UBE2R2: variants seen among roughly 807,000 people sequenced by gnomAD.
The protein encoded by UBE2R2 is ubiquitin conjugating enzyme E2 R2.
Under a neutral mutation model 27.8 loss-of-function variants are expected in UBE2R2, and 1 was observed. That is an observed-to-expected ratio of 0.04 (90% CI 0.01 to 0.17). The LOEUF (loss-of-function observed/expected upper bound fraction) is 0.17, where lower values mean the gene tolerates loss of function less well. Among genes scored for constraint, UBE2R2 ranks in the 10% least tolerant of loss-of-function variants. The probability of loss-of-function intolerance (pLI) is 1.00; values close to 1 mark genes in which losing one functional copy is unlikely to be tolerated. For synonymous variants in UBE2R2, 106 were observed against 113.3 expected (o/e 0.94, Z 0.41); for missense variants, 100 against 291.0 (o/e 0.34, Z 4.78).
At chr9:33,910,699 G>A (rs1020103876) in intron 3 of UBE2R2, among the ~76,000 whole-genome samples, 1 of 152,190 alleles carries the variant, frequency 6.6e-6, no homozygotes, top group African/African-American at 2.4e-5. Context: ...TCTGTTTGAA[G>A]GATTTTGCTT....
At chr9:33,890,299 T>G (rs1174386745) in intron 2 of UBE2R2, among the ~76,000 whole-genome samples, 1 of 152,190 alleles carries the variant, frequency 6.6e-6, no homozygotes, top group Non-Finnish European at 1.5e-5. Context: ...TTTAAAGAAG[T>G]GATAGGCCGG....
intron 1 of UBE2R2, among the ~76,000 whole-genome samples, chr9:33,832,075 G>A (rs1235941753): frequency 1.1e-4 from 16 of 151,572 alleles, no homozygotes; most frequent in Admixed American, 9.2e-4. Flanking sequence ...TTGGGAGGCC[G>A]AGGTGGGCGG....
At chr9:33,861,632 T>C (rs1821238477) in intron 1 of UBE2R2, among the ~76,000 whole-genome samples, 2 of 151,836 alleles carry the variant, frequency 1.3e-5, no homozygotes, top group South Asian at 4.1e-4. Context: ...ATTAATTAGA[T>C]AATGGGAAAC....
chr9:33,839,328 C>G (rs2130737303), intron 1 of UBE2R2, among the ~76,000 whole-genome samples: 1 of 152,262 alleles, frequency 6.6e-6, no homozygotes, highest in South Asian at 2.1e-4. Flanking sequence ...CCCTCTGCCT[C>G]CCAGGTTCGA....
upstream of UBE2R2, among the ~76,000 whole-genome samples, chr9:33,817,119 G>C (rs1825793381): frequency 6.6e-6 from 1 of 151,822 alleles, no homozygotes; most frequent in Admixed American, 6.6e-5. Context: ...AGCACCCGGC[G>C]TGCGCCCCTC....
At chr9:33,859,795 T>TGAGAGAGAGA (rs1056972987) in intron 1 of UBE2R2, among the ~76,000 whole-genome samples, 4 of 82,148 alleles carry the variant, frequency 4.9e-5, no homozygotes, top group African/African-American at 1.9e-4. Context: ...TGTGTGTGTG[T>TGAGAGAGAGA]GTGTGAGAGA....
chr9:33,858,419 A>AT (rs984610348), intron 1 of UBE2R2, among the ~76,000 whole-genome samples: 27 of 150,738 alleles, frequency 1.8e-4, no homozygotes, highest in South Asian at 6.3e-4. Flanking sequence ...ATAGATGTTA[A>AT]TTTTTTTTTT....
chr9:33,876,071 T>G (rs10971758), intron 1 of UBE2R2, among the ~76,000 whole-genome samples: 11,998 of 152,202 alleles, frequency 0.079, 682 homozygotes, highest in Non-Finnish European at 0.12. Flanking sequence ...TGTTTAAATT[T>G]TTAATAAGGG....
At chr9:33,904,028 G>A (rs773756506) in intron 3 of UBE2R2, among the ~76,000 whole-genome samples, 20 of 152,128 alleles carry the variant, frequency 1.3e-4, no homozygotes, top group Non-Finnish European at 1.8e-4. Context: ...GGGATGTTTT[G>A]TACACTTTTT....
chr9:33,911,390 G>T (rs1200388314), intron 3 of UBE2R2, among the ~76,000 whole-genome samples: 2 of 63,690 alleles, frequency 3.1e-5, no homozygotes, highest in South Asian at 5.9e-4. Flanking sequence ...GAACAAGAGT[G>T]AAACTCCATC....
intron 1 of UBE2R2, among the ~76,000 whole-genome samples, chr9:33,841,260 A>AC (rs1820727283): frequency 6.6e-6 from 1 of 152,012 alleles, no homozygotes. Context: ...TTGGATTATT[A>AC]GTAGAGACGG....
intron 1 of UBE2R2, among the ~76,000 whole-genome samples, chr9:33,867,235 C>A (rs568084231): frequency 6.6e-6 from 1 of 151,988 alleles, no homozygotes; most frequent in Non-Finnish European, 1.5e-5. Flanking sequence ...GCTTCTTTGT[C>A]ATATATGTTG....
intron 2 of UBE2R2, 47 bp downstream of exon 2, chr9:33,887,014 A>T: frequency 6.8e-7 from 1 of 1,477,316 alleles, no homozygotes; most frequent in Non-Finnish European, 9.3e-7. Flanking sequence ...TTTTTTTTTA[A>T]ATCAGTACTT....
chr9:33,848,009 A>G (rs1820883991), intron 1 of UBE2R2, among the ~76,000 whole-genome samples: 1 of 151,098 alleles, frequency 6.6e-6, no homozygotes, highest in African/African-American at 2.4e-5. Context: ...CCCGCCTCTG[A>G]CTCCCAAAGT....
At chr9:33,862,639 A>AT (rs1470858303) in intron 1 of UBE2R2, among the ~76,000 whole-genome samples, 1 of 152,158 alleles carries the variant, frequency 6.6e-6, no homozygotes, top group Non-Finnish European at 1.5e-5. Flanking sequence ...TCCTCAAAAA[A>AT]TCTATGAATA....
chr9:33,845,010 C>G (rs893897120), intron 1 of UBE2R2, among the ~76,000 whole-genome samples: 12 of 151,846 alleles, frequency 7.9e-5, no homozygotes, highest in Non-Finnish European at 1.6e-4. Flanking sequence ...CTCAAATGAT[C>G]CGCCTGCCTC....
At chr9:33,863,220 G>T (rs1477637985) in intron 1 of UBE2R2, among the ~76,000 whole-genome samples, 1 of 149,592 alleles carries the variant, frequency 6.7e-6, no homozygotes, top group Non-Finnish European at 1.5e-5. Flanking sequence ...AGAAAAGAAA[G>T]AAAGTACATG....
chr9:33,885,471 CAT>C (rs1390475999), intron 1 of UBE2R2, among the ~76,000 whole-genome samples: 1 of 152,236 alleles, frequency 6.6e-6, no homozygotes, highest in Non-Finnish European at 1.5e-5. Context: ...CAAATCCAAT[CAT>C]ATGTAGACAG....
intron 1 of UBE2R2, among the ~76,000 whole-genome samples, chr9:33,870,862 CTG>C (rs1821471474): frequency 1.3e-5 from 2 of 152,152 alleles, no homozygotes; most frequent in African/African-American, 2.4e-5. Flanking sequence ...ATATAGAAAA[CTG>C]AGAGTTGTCC....
Sources: gnomAD v4.1 joint callset for allele counts (sites outside exome capture counted in the v4.1 genomes callset) on GRCh38, gnomAD v4.1.1 for gene constraint, MANE v1.5 for transcripts, NCBI Gene and HGNC (gene_info 2026-07-23, HGNC 2026-07-21) for gene names.